The following PTH2R variants were observed in gnomAD, a reference collection of about 807,000 sequenced individuals.
PTH2R encodes the protein parathyroid hormone 2 receptor, also known as PTH2 receptor.
In PTH2R, 59 loss-of-function variants were observed where a neutral mutation model predicts 60.3. The observed-to-expected ratio is 0.98, with a 90% confidence interval of 0.79 to 1.22. The LOEUF is 1.22. Among genes scored for constraint, PTH2R ranks in the 50% most tolerant of loss-of-function variants. The probability of loss-of-function intolerance (pLI) is 0.00; values close to 1 mark genes in which losing one functional copy is unlikely to be tolerated. For missense variants in PTH2R, 749 were observed against 682.6 expected (o/e 1.10, Z -1.08); for synonymous variants, 256 against 243.8 (o/e 1.05, Z -0.47).
At chr2:208,404,597 AT>A (rs1414916567), upstream of PTH2R, among the ~76,000 whole-genome samples, 1 of 152,164 alleles carries the variant, frequency 6.6e-6, no homozygotes, top group Admixed American at 6.5e-5. Flanking sequence ...ATCTCATTTA[AT>A]TGTTACACGG....
At chr2:208,365,939 TA>T (rs1559198724) in intron 1 of PTH2R, among the ~76,000 whole-genome samples, 5 of 13,622 alleles carry the variant, frequency 3.7e-4, no homozygotes, top group African/African-American at 1.2e-3. Flanking sequence ...AATATATATA[TA>T]TATATATATA....
chr2:208,475,203 CT>C (rs1220188219), intron 9 of PTH2R, among the ~76,000 whole-genome samples: 1 of 151,954 alleles, frequency 6.6e-6, no homozygotes, highest in Non-Finnish European at 1.5e-5. Context: ...ACAAGGAGAA[CT>C]TTTTTTTAAA....
chr2:208,375,346 G>T (rs890595059), intron 1 of PTH2R, among the ~76,000 whole-genome samples: 1 of 152,066 alleles, frequency 6.6e-6, no homozygotes, highest in African/African-American at 2.4e-5. Context: ...GTATTGCTCA[G>T]AGAAGAAGGC....
chr2:208,385,104 T>A (rs557266726), intron 1 of PTH2R, among the ~76,000 whole-genome samples: 3 of 152,128 alleles, frequency 2.0e-5, no homozygotes, highest in African/African-American at 7.2e-5. Flanking sequence ...GTACTTCTTA[T>A]TCTCCAAGTT....
At chr2:208,427,413 C>A (rs745316184) in intron 1 of PTH2R, among the ~76,000 whole-genome samples, 33 of 152,012 alleles carry the variant, frequency 2.2e-4, no homozygotes, top group Non-Finnish European at 3.8e-4. Flanking sequence ...ACTCAGAATC[C>A]ATGTTGTATT....
intron 1 of PTH2R, among the ~76,000 whole-genome samples, chr2:208,425,847 G>A (rs1194866022): frequency 1.3e-5 from 2 of 152,190 alleles, no homozygotes. Flanking sequence ...AGTTGGGGAT[G>A]TATGAGGGAG....
Position 208,493,664 on chromosome 2 carries a change from A to G in PTH2R, c.*5A>G. On this transcript the variant is annotated 3_prime_UTR_variant, in exon 13 of 13. Coordinates refer to ENST00000272847, the MANE Select transcript of PTH2R (RefSeq NM_005048.4). ...GAAACTGAGGATGTTCTCTGAATGG[A>G]CATTTGTGGCTGACTTTCATGGGCT... is the stretch of plus-strand genomic sequence containing the variant. The G allele has an allele frequency of 1.3e-6, 2 of 1,534,776 alleles. No individual in the cohort carries two copies. Among genetic ancestry groups the G allele is most frequent in the Non-Finnish European group, 1.8e-6 (2 of 1,137,004 alleles).
chr2:208,427,591 T>G (rs1346209406), intron 1 of PTH2R, among the ~76,000 whole-genome samples: 3 of 152,210 alleles, frequency 2.0e-5, no homozygotes, highest in Non-Finnish European at 2.9e-5. Context: ...AGATTCTCTT[T>G]GTGCTGTAAA....
intron 1 of PTH2R, among the ~76,000 whole-genome samples, chr2:208,380,984 A>AGGG (rs1700902839): frequency 6.6e-6 from 1 of 152,084 alleles, no homozygotes; most frequent in African/African-American, 2.4e-5. Flanking sequence ...TGAGGTCCTA[A>AGGG]TGCAAATTTT....
At chr2:208,376,755 A>G (rs1700798999) in intron 1 of PTH2R, among the ~76,000 whole-genome samples, 3 of 151,892 alleles carry the variant, frequency 2.0e-5, no homozygotes, top group Admixed American at 2.0e-4. Context: ...ACATATTCCT[A>G]TATGTGGGCT....
At chr2:208,395,538 C>T (rs998751985) in intron 1 of PTH2R, among the ~76,000 whole-genome samples, 5 of 152,156 alleles carry the variant, frequency 3.3e-5, no homozygotes, top group Non-Finnish European at 5.9e-5. Context: ...AAGATTGCAA[C>T]GACATTTTCC....
At chr2:208,462,892 T>C (rs1164694248) in intron 9 of PTH2R, among the ~76,000 whole-genome samples, 1 of 152,160 alleles carries the variant, frequency 6.6e-6, no homozygotes, top group Non-Finnish European at 1.5e-5. Context: ...CTTCTAAGCC[T>C]CACTAAAGAA....
chr2:208,428,243 C>T lies in PTH2R; in HGVS notation c.118C>T (p.Leu40Phe). 6.2e-7 allele frequency: 1 copy of T among 1,613,566 alleles called. No homozygotes were observed. Among genetic ancestry groups the T allele is most frequent in the Non-Finnish European group, 8.5e-7 (1 of 1,179,748 alleles). Residue 40 changes from leucine to phenylalanine, a missense_variant, in exon 2 of 13, where the codon CTT (leucine) becomes TTT (phenylalanine). Physicochemically the swap from Leu to Phe is conservative, Grantham distance 22 (BLOSUM62 0). Coordinates refer to ENST00000272847, the MANE Select transcript of PTH2R (RefSeq NM_005048.4). ...CATTACTATAGAGGAGCAGATTGTC[C>T]TTGTGCTGAAAGCGAAAGTACAATG... ...GTITIEEQIV[L>F]VLKAKVQCEL...
intron 1 of PTH2R, among the ~76,000 whole-genome samples, chr2:208,390,322 T>G (rs556172009): frequency 3.0e-4 from 45 of 152,146 alleles, no homozygotes; most frequent in African/African-American, 1.0e-3. Flanking sequence ...CTGAGAGGAG[T>G]TAGTCACCCA....
chr2:208,428,076 G>A (rs943421531), intron 1 of PTH2R, 125 bp from the exon 2 acceptor site: 6 of 658,420 alleles, frequency 9.1e-6, no homozygotes, highest in African/African-American at 5.5e-5. Flanking sequence ...TTCAGATAAA[G>A]GACTATTTCA....
Position 208,458,848 on chromosome 2 carries a change from C to T in PTH2R, c.915-1047C>T, listed in dbSNP as rs115630381. On this transcript the variant is annotated intron_variant, in intron 8 of 12. Transcript: ENST00000272847. ...ACCACGTTTTCTTTATTCTGTCTGT[C>T]ATTGATGGGGATTGAGATTGATTCC... Among the ~76,000 whole-genome samples the T allele has an allele frequency of 7.4e-3, 1,133 of 152,130 alleles. 18 individuals are homozygous for T. Among genetic ancestry groups the T allele is most frequent in the African/African-American group, 0.025 (1,028 of 41,518 alleles).
chr2:208,435,453 C>T (rs1353351747), intron 2 of PTH2R, among the ~76,000 whole-genome samples: 5 of 152,020 alleles, frequency 3.3e-5, no homozygotes, highest in South Asian at 2.1e-4. Context: ...TGTGATCATA[C>T]GGGCCCTTTA....
intron 1 of PTH2R, among the ~76,000 whole-genome samples, chr2:208,423,676 T>C (rs1223703214): frequency 1.3e-5 from 2 of 152,234 alleles, no homozygotes; most frequent in Non-Finnish European, 2.9e-5. Context: ...TATCAATTGC[T>C]GAGAAAGGGG....
intron 1 of PTH2R, among the ~76,000 whole-genome samples, chr2:208,389,106 A>T (rs1701059491): frequency 6.6e-6 from 1 of 152,204 alleles, no homozygotes; most frequent in Non-Finnish European, 1.5e-5. Context: ...TAAGCATCAG[A>T]GAGTATTACA....
Sources: gnomAD v4.1 joint callset for allele counts (sites outside exome capture counted in the v4.1 genomes callset) on GRCh38, gnomAD v4.1.1 for gene constraint, MANE v1.5 for transcripts, NCBI Gene and HGNC (gene_info 2026-07-23, HGNC 2026-07-21) for gene names.